Variants in TMCC1 observed in about 807,000 individuals in gnomAD.
TMCC1 encodes transmembrane and coiled-coil domain family 1, also known as transmembrane and coiled-coil domains protein 1.
Under a neutral mutation model 52.4 loss-of-function variants are expected in TMCC1, and 15 were observed. The observed-to-expected ratio is 0.29, with a 90% confidence interval of 0.19 to 0.44. TMCC1 has a LOEUF of 0.44. Among genes scored for constraint, TMCC1 ranks in the 20% least tolerant of loss-of-function variants. TMCC1 has a pLI of 1.00. For missense variants in TMCC1, 503 were observed against 806.0 expected, an observed-to-expected ratio of 0.62 and a Z score of 4.55; for synonymous variants, 279 against 301.9, an observed-to-expected ratio of 0.92 and a Z score of 0.79.
chr3:129,674,336 A>T (rs1198549172), intron 4 of TMCC1, among the ~76,000 whole-genome samples: 1 of 152,180 alleles, frequency 6.6e-6, no homozygotes, highest in Admixed American at 6.5e-5. Context: ...TGCCTGCAAG[A>T]GTATAGCTGA....
chr3:129,744,620 T>C (rs192365584), intron 4 of TMCC1, among the ~76,000 whole-genome samples: 146 of 152,292 alleles, frequency 9.6e-4, no homozygotes, highest in African/African-American at 3.1e-3. Flanking sequence ...ATAGCATGCA[T>C]ACACACACAT....
intron 2 of TMCC1, among the ~76,000 whole-genome samples, chr3:129,840,287 A>G (rs2059361664): frequency 1.5e-5 from 2 of 134,436 alleles, no homozygotes; most frequent in Non-Finnish European, 3.1e-5. Flanking sequence ...TGATCATGCT[A>G]CTGTACTCCA....
chr3:129,722,319 C>A (rs565582224), intron 4 of TMCC1, among the ~76,000 whole-genome samples: 1 of 152,100 alleles, frequency 6.6e-6, no homozygotes, highest in Non-Finnish European at 1.5e-5. Flanking sequence ...AGGTTGCATG[C>A]TCCTTATGAT....
intron 2 of TMCC1, among the ~76,000 whole-genome samples, chr3:129,837,157 T>C (rs924106564): frequency 2.6e-5 from 4 of 152,012 alleles, no homozygotes; most frequent in East Asian, 1.9e-4. Context: ...TGAATCCCCA[T>C]AGCAGTTGGG....
intron 2 of TMCC1, among the ~76,000 whole-genome samples, chr3:129,833,027 T>C (rs1052492299): frequency 2.6e-5 from 4 of 152,112 alleles, no homozygotes; most frequent in Non-Finnish European, 5.9e-5. Context: ...AGAATAATTA[T>C]AATCAAGAAA....
chr3:129,729,503 T>C (rs532241107), intron 4 of TMCC1, among the ~76,000 whole-genome samples: 13 of 152,264 alleles, frequency 8.5e-5, no homozygotes, highest in South Asian at 6.2e-4. Context: ...AGCTGTTCCT[T>C]GACTTTTGTC....
At chr3:129,769,710 T>C (rs1012020316) in intron 4 of TMCC1, among the ~76,000 whole-genome samples, 5 of 152,134 alleles carry the variant, frequency 3.3e-5, no homozygotes, top group African/African-American at 1.2e-4. Flanking sequence ...CTTAATGTTC[T>C]TACACTAACA....
At chr3:129,746,175 T>A (rs1277470690) in intron 4 of TMCC1, among the ~76,000 whole-genome samples, 4 of 149,980 alleles carry the variant, frequency 2.7e-5, no homozygotes, top group East Asian at 3.9e-4. Context: ...ACTGGTTTAA[T>A]TTTTTTTTTC....
At chr3:129,761,573 T>C (rs961304027) in intron 4 of TMCC1, among the ~76,000 whole-genome samples, 42 of 152,120 alleles carry the variant, frequency 2.8e-4, no homozygotes, top group Non-Finnish European at 5.1e-4. Context: ...TCTTGTCTTT[T>C]TGGGTCAGCC....
chr3:129,772,126 A>G (rs989668808), intron 4 of TMCC1, among the ~76,000 whole-genome samples: 2 of 152,162 alleles, frequency 1.3e-5, no homozygotes, highest in East Asian at 1.9e-4. Flanking sequence ...TGGAAGGCCA[A>G]TGTGGGAGGA....
At chr3:129,808,520 A>G (rs1054643263) in intron 4 of TMCC1, among the ~76,000 whole-genome samples, 2 of 151,602 alleles carry the variant, frequency 1.3e-5, no homozygotes, top group Admixed American at 6.6e-5. Flanking sequence ...TAAAAAAAAG[A>G]AAATAATGAA....
chr3:129,845,190 TCACACACACACACA>T (rs67832332), intron 2 of TMCC1, among the ~76,000 whole-genome samples: 4 of 149,090 alleles, frequency 2.7e-5, no homozygotes, highest in Admixed American at 6.7e-5. Flanking sequence ...CCTGTCACAC[TCACACACACACACA>T]CACACACACA....
At chr3:129,700,730 C>T (rs2047759425) in intron 4 of TMCC1, among the ~76,000 whole-genome samples, 1 of 151,318 alleles carries the variant, frequency 6.6e-6, no homozygotes, top group Non-Finnish European at 1.5e-5. Flanking sequence ...CTGCCTCAGC[C>T]TCTCAAAGTG....
intron 4 of TMCC1, among the ~76,000 whole-genome samples, chr3:129,738,741 A>C (rs891548418): frequency 6.6e-6 from 1 of 152,236 alleles, no homozygotes; most frequent in Non-Finnish European, 1.5e-5. Context: ...AGTGTTTAAG[A>C]ATAGAATTTA....
intron 4 of TMCC1, among the ~76,000 whole-genome samples, chr3:129,798,524 C>CAAAAAA (rs796919072): frequency 3.1e-4 from 21 of 67,822 alleles, no homozygotes; most frequent in East Asian, 1.2e-3. Context: ...TCTTCCTATC[C>CAAAAAA]AAAAAAAAAA....
At chr3:129,867,527 A>G (rs1476831034) in intron 2 of TMCC1, among the ~76,000 whole-genome samples, 1 of 152,252 alleles carries the variant, frequency 6.6e-6, no homozygotes, top group African/African-American at 2.4e-5. Context: ...TACCATTAGT[A>G]TTCAATAAAT....
At chr3:129,832,644 T>C (rs1372445636) in intron 3 of TMCC1, 130 bp downstream of exon 3, 1 of 152,238 alleles carries the variant, frequency 6.6e-6, no homozygotes, top group African/African-American at 2.4e-5. Flanking sequence ...TACAAATTGC[T>C]TTGTCTTTTT....
At position 129,648,223 on chromosome 3, in the gene TMCC1, T is replaced by A. The variant is rs1000443414; in HGVS notation, c.*3258A>T. 6 of 152,238 alleles carry A rather than the reference T, an allele frequency of 3.9e-5. No individual in the cohort carries two copies. Among genetic ancestry groups the A allele is most frequent in the African/African-American group, 1.4e-4 (6 of 41,458 alleles). The allele number at this position is 152,238 out of a possible 1,614,324, so 9.4% of individuals were successfully genotyped here. On this transcript the variant is annotated 3_prime_UTR_variant, in exon 7 of 7. Coordinates refer to ENST00000393238, the MANE Select transcript of TMCC1 (RefSeq NM_001017395.5). ...CTGAAAGGCAGCTCCTCATTGGAACTCTCTCAGAACTCAGCATTTTCATCT... is the reference window on the plus strand; with the variant it reads ...CTGAAAGGCAGCTCCTCATTGGAACACTCTCAGAACTCAGCATTTTCATCT...
chr3:129,838,751 TCAA>T (rs1192667356), intron 2 of TMCC1, among the ~76,000 whole-genome samples: 1 of 31,680 alleles, frequency 3.2e-5, no homozygotes, highest in Admixed American at 6.6e-4. Flanking sequence ...AGACTCTGTC[TCAA>T]AAAAAAAAAA....
Sources: allele counts gnomAD v4.1 joint callset (sites outside exome capture counted in the v4.1 genomes callset), GRCh38; gene constraint gnomAD v4.1.1; transcripts MANE v1.5; gene names NCBI Gene and HGNC (gene_info 2026-07-23, HGNC 2026-07-21).